Variants in PCDHA9 observed in about 807,000 individuals in gnomAD.
The protein encoded by PCDHA9 is protocadherin alpha 9.
In PCDHA9, 62 loss-of-function variants were observed where a neutral mutation model predicts 62.0. The observed-to-expected ratio is 1.00, with a 90% CI of 0.81 to 1.23. The LOEUF (loss-of-function observed/expected upper bound fraction) is 1.23. PCDHA9 is among the 50% of genes most tolerant of loss of function. PCDHA9 has a pLI of 0.00. For missense variants in PCDHA9, 1,205 were observed against 1,249.8 expected (o/e 0.96, Z 0.54); for synonymous variants, 557 against 567.6 (o/e 0.98, Z 0.27).
intron 1 of PCDHA9, chr5:140,967,079 A>T: frequency 1.2e-6 from 2 of 1,613,252 alleles, no homozygotes; most frequent in South Asian, 2.2e-5. Flanking sequence ...CAACGAGCGC[A>T]TTGATCGGGA....
chr5:140,864,004 A>G (rs1042382501), intron 1 of PCDHA9: 4 of 153,124 alleles, frequency 2.6e-5, no homozygotes, highest in Non-Finnish European at 4.4e-5. Context: ...CTGTCTTAAA[A>G]AAAAAAGTAC....
intron 1 of PCDHA9, chr5:140,860,192 C>CATATATAT (rs143984774): frequency 6.9e-4 from 101 of 146,860 alleles, no homozygotes; most frequent in African/African-American, 2.5e-3. Context: ...GCTCTCCTTA[C>CATATATAT]ATATATATCT....
At chr5:140,911,410 A>G (rs1472938045) in intron 1 of PCDHA9, among the ~76,000 whole-genome samples, 1 of 152,208 alleles carries the variant, frequency 6.6e-6, no homozygotes, top group African/African-American at 2.4e-5. Context: ...AGCCACTGGT[A>G]TGATAAGAAC....
chr5:140,903,958 T>G (rs960235173), intron 1 of PCDHA9, among the ~76,000 whole-genome samples: 1 of 152,236 alleles, frequency 6.6e-6, no homozygotes, highest in Non-Finnish European at 1.5e-5. Context: ...GAAAATTATT[T>G]GTTGATTTTT....
At chr5:140,927,417 G>A (rs74597681) in intron 1 of PCDHA9, 37,118 of 1,614,096 alleles carry the variant, frequency 0.023, 560 homozygotes, top group African/African-American at 0.056. Flanking sequence ...ACATGGGATC[G>A]CGGGTTGACG....
At chr5:140,937,332 C>A (rs1003482242) in intron 1 of PCDHA9, among the ~76,000 whole-genome samples, 1 of 152,094 alleles carries the variant, frequency 6.6e-6, no homozygotes, top group Non-Finnish European at 1.5e-5. Flanking sequence ...CCACCGCGCC[C>A]GGCTTCTTCC....
rs2098417240 is a variant in PCDHA9 at position 141,010,418 on chromosome 5, G to A, written c.*481G>A. Reference sequence around the variant, plus strand: ...AGCCAGCTTAGACTAATTGGTACAAGGAAGGCAAGAAAACAAAGACAAATA... The same window carrying A: ...AGCCAGCTTAGACTAATTGGTACAAAGAAGGCAAGAAAACAAAGACAAATA... On this transcript the variant is annotated 3_prime_UTR_variant, in exon 4 of 4. Coordinates refer to ENST00000532602, the MANE Select transcript of PCDHA9 (RefSeq NM_031857.2). The A allele has an allele frequency of 3.4e-6, 4 of 1,168,142 alleles. No homozygotes were observed. The East Asian group carries it at 1.0e-4, about 30-fold the overall frequency. The allele number at this position is 1,168,142 out of a possible 1,614,324, so 72.4% of individuals were successfully genotyped here. A position where few individuals can be genotyped will look rare whatever the true frequency, so the allele number is the denominator to read the frequency against.
chr5:140,859,086 G>A (rs1474947917), intron 1 of PCDHA9: 3 of 150,424 alleles, frequency 2.0e-5, no homozygotes, highest in Non-Finnish European at 3.0e-5. Flanking sequence ...CTGTGTCAGT[G>A]TGTATTATTC....
At chr5:140,857,430 T>A in intron 1 of PCDHA9, 2 of 1,598,338 alleles carry the variant, frequency 1.3e-6, no homozygotes, top group African/African-American at 2.7e-5. Context: ...GAGTACACGG[T>A]GTTCGTGAAG....
At chr5:140,875,413 C>T (rs2055464602) in intron 1 of PCDHA9, 2 of 1,507,300 alleles carry the variant, frequency 1.3e-6, no homozygotes, top group South Asian at 2.7e-5. Flanking sequence ...TCATAAAATA[C>T]CTCAGGCAAG....
intron 1 of PCDHA9, among the ~76,000 whole-genome samples, chr5:140,920,549 G>A (rs957534849): frequency 2.6e-5 from 4 of 152,120 alleles, no homozygotes; most frequent in Non-Finnish European, 5.9e-5. Flanking sequence ...TTTCACCTTC[G>A]AAGTGTGGCC....
rs534595431 is a variant in PCDHA9 at position 140,908,278 on chromosome 5, TG to T, written c.2394+57390del. On this transcript the variant is annotated intron_variant, in intron 1 of 3. Coordinates refer to ENST00000532602, the MANE Select transcript of PCDHA9 (RefSeq NM_031857.2). Reference sequence around the variant, plus strand: ...CATAGGGAACTCCCCATGAGGCCATTGTTGCAAGCTGGGGAAGAGAAGGAAG... The same window carrying T: ...CATAGGGAACTCCCCATGAGGCCATTTTGCAAGCTGGGGAAGAGAAGGAAG... Among the ~76,000 whole-genome samples the T allele has an allele frequency of 1.3e-3, 196 of 152,290 alleles. 1 individual carries two copies. Among genetic ancestry groups the T allele is most frequent in the African/African-American group, 4.6e-3 (191 of 41,570 alleles).
At chr5:140,982,025 C>A (rs1191670248) in intron 2 of PCDHA9, among the ~76,000 whole-genome samples, 1 of 152,180 alleles carries the variant, frequency 6.6e-6, no homozygotes, top group Non-Finnish European at 1.5e-5. Flanking sequence ...CAAATTGGAA[C>A]AATACTCCAA....
chr5:140,848,597 C>G lies in PCDHA9; in HGVS notation c.102C>G (p.Ser34=), dbSNP rs151001396. 6,374 of 1,580,604 alleles carry G rather than the reference C, an allele frequency of 4.0e-3. 857 individuals carry two copies. Among genetic ancestry groups the G allele is most frequent in the South Asian group, 0.012 (1,061 of 88,252 alleles). The change falls in exon 1 of 4, where the codon TCC becomes TCG. Residue 34 remains serine (S), a synonymous_variant. Transcript: ENST00000532602. ...TGGGGAGCGGCCAGCTCCACTACTC[C>G]GTCCCGGAGGAAGCCGAACACGGCA... ...WVVGSGQLHY[S]VPEEAEHGTF...
chr5:140,858,857 T>C, intron 1 of PCDHA9: 1 of 267,758 alleles, frequency 3.7e-6, no homozygotes, highest in South Asian at 4.6e-5. Flanking sequence ...CTATATCTCT[T>C]CAGTGAAAAT....
intron 1 of PCDHA9, among the ~76,000 whole-genome samples, chr5:140,913,386 T>C (rs1317540233): frequency 6.6e-6 from 1 of 152,228 alleles, no homozygotes; most frequent in Non-Finnish European, 1.5e-5. Context: ...TGGCTCATCA[T>C]AGCCACTAAT....
At chr5:140,884,071 G>C (rs1425122045) in intron 1 of PCDHA9, 7 of 1,613,400 alleles carry the variant, frequency 4.3e-6, no homozygotes, top group African/African-American at 2.7e-5. Context: ...ACGCCGATTC[G>C]GGCTACAATG....
intron 1 of PCDHA9, among the ~76,000 whole-genome samples, chr5:140,923,307 G>A (rs541732390): frequency 9.2e-5 from 14 of 152,288 alleles, no homozygotes; most frequent in African/African-American, 3.1e-4. Flanking sequence ...GCGTGGGGGC[G>A]CTTGGCCTAG....
rs371960819 is a variant in PCDHA9, at chr5:140,928,197, T to C, written c.2395-50752T>C. The C allele has an allele frequency of 1.9e-5, 30 of 1,614,192 alleles. 1 individual carries two copies. In the African/African-American group the frequency reaches 2.0e-4, roughly 11 times the overall value. On this transcript the variant is annotated intron_variant, in intron 1 of 3. Coordinates refer to ENST00000532602, the MANE Select transcript of PCDHA9 (RefSeq NM_031857.2). Reference sequence around the variant, plus strand: ...CCCGAAGGACAATCACTGTGTCAGTTGCTGATGTGAATGACAATACACCAA... The same window carrying C: ...CCCGAAGGACAATCACTGTGTCAGTCGCTGATGTGAATGACAATACACCAA...
Sources: gnomAD v4.1 joint callset for allele counts (sites outside exome capture counted in the v4.1 genomes callset) on GRCh38, gnomAD v4.1.1 for gene constraint, MANE v1.5 for transcripts, NCBI Gene and HGNC (gene_info 2026-07-23, HGNC 2026-07-21) for gene names.